The following NUP153 variants were observed in gnomAD, a reference collection of about 807,000 sequenced individuals.
NUP153 encodes nucleoporin 153.
In NUP153, 27 loss-of-function variants were observed where a neutral mutation model predicts 134.6. The observed-to-expected ratio is 0.20, with a 90% CI of 0.15 to 0.28. The LOEUF (loss-of-function observed/expected upper bound fraction) is 0.28. NUP153 is among the 10% of genes least tolerant of loss of function. NUP153 has a pLI of 1.00. For missense variants in NUP153, 1,821 were observed against 1,731.3 expected (o/e 1.05, Z -0.92); for synonymous variants, 640 against 623.5 (o/e 1.03, Z -0.40).
chr6:17,652,199 T>C (rs1007388005), intron 11 of NUP153, among the ~76,000 whole-genome samples: 1 of 152,176 alleles, frequency 6.6e-6, no homozygotes, highest in African/African-American at 2.4e-5. Flanking sequence ...GATCTAATAC[T>C]ATCAGCTTAC....
intron 11 of NUP153, among the ~76,000 whole-genome samples, chr6:17,660,109 G>A (rs1767094426): frequency 6.6e-6 from 1 of 152,156 alleles, no homozygotes; most frequent in Non-Finnish European, 1.5e-5. Context: ...TGCTAGCTAG[G>A]AAAAGCATAG....
At chr6:17,673,890 C>G (rs553166209) in intron 5 of NUP153, among the ~76,000 whole-genome samples, 1 of 152,246 alleles carries the variant, frequency 6.6e-6, no homozygotes, top group East Asian at 1.9e-4. Flanking sequence ...TGAATGCTCA[C>G]AAAAAACATT....
chr6:17,663,824 C>T lies in NUP153; in HGVS notation c.1215+1415G>A, dbSNP rs903303156. Reference sequence around the variant, plus strand: ...TAAATGACACAAAAAACCAGACAAACCCAGATTATGGGACATTTTATAAGA... The same window carrying T: ...TAAATGACACAAAAAACCAGACAAATCCAGATTATGGGACATTTTATAAGA... On this transcript the variant is annotated intron_variant, in intron 9 of 21. Coordinates refer to ENST00000262077, the MANE Select transcript of NUP153 (RefSeq NM_005124.4). Among the ~76,000 whole-genome samples, 3 of 152,008 alleles carry T rather than the reference C, an allele frequency of 2.0e-5. No individual in the cohort carries two copies. The South Asian group carries it at 6.2e-4, about 32-fold the overall frequency.
rs907428478 is a variant in NUP153, at chr6:17,615,955, A to C, written c.*142T>G. 5 of 563,952 alleles carry C rather than the reference A, an allele frequency of 8.9e-6. No individual in the cohort carries two copies. In the African/African-American group the frequency reaches 9.5e-5, roughly 11 times the overall value. 34.9% of individuals were successfully genotyped at this position (563,952 alleles called of 1,614,324 possible). On this transcript the variant is annotated 3_prime_UTR_variant, in exon 22 of 22. Coordinates refer to ENST00000262077, the MANE Select transcript of NUP153 (RefSeq NM_005124.4). This position sits in a 1 kb window ranked among gnomAD's most constrained non-coding sequence, Gnocchi z 5.7. ...GAGGCAGGGTGGGGCTTCTGTAACG[A>C]AAGAGAAAGGAGGAAAATTCCAAAA...
At chr6:17,626,197 T>A (rs757248191) in intron 18 of NUP153, 33 bp from the exon 19 acceptor site, 35 of 1,525,466 alleles carry the variant, frequency 2.3e-5, no homozygotes, top group Non-Finnish European at 3.1e-5. Flanking sequence ...CAAACATAAA[T>A]CCTTAAGAAT....
At position 17,627,547 on chromosome 6, in the gene NUP153, G is replaced by A. The variant is rs556548291; in HGVS notation, c.3544+1108C>T. 4.0e-4 allele frequency among the ~76,000 whole-genome samples: 61 copies of A among 151,700 alleles called. 1 individual carries two copies. Among genetic ancestry groups the A allele is most frequent in the Non-Finnish European group, 7.2e-4 (49 of 68,022 alleles). ...GCCTTGTTCTGTTGCCCAAGCTGGAGTGCACTGGGCCAATCTCTGCTCACT... is the reference window on the plus strand; with the variant it reads ...GCCTTGTTCTGTTGCCCAAGCTGGAATGCACTGGGCCAATCTCTGCTCACT... On this transcript the variant is annotated intron_variant, in intron 18 of 21. Coordinates refer to ENST00000262077, the MANE Select transcript of NUP153 (RefSeq NM_005124.4).
chr6:17,618,617 GTGCAGTGGCACGGTCTCAGCTCAC>G (rs1561848080), intron 20 of NUP153, among the ~76,000 whole-genome samples: 5 of 149,348 alleles, frequency 3.3e-5, no homozygotes, highest in African/African-American at 5.0e-5. Flanking sequence ...CCAGGCTGGA[GTGCAGTGGCACGGTCTCAGCTCAC>G]TGCAAGCTCC....
chr6:17,678,157 A>C (rs1438080520), intron 2 of NUP153, among the ~76,000 whole-genome samples: 1 of 152,130 alleles, frequency 6.6e-6, no homozygotes, highest in Middle Eastern at 3.4e-3. Context: ...GGAGTTCAAG[A>C]CCAGACTGGC....
intron 20 of NUP153, among the ~76,000 whole-genome samples, chr6:17,620,772 C>T (rs1309131875): frequency 6.6e-6 from 1 of 152,124 alleles, no homozygotes; most frequent in East Asian, 1.9e-4. Context: ...AAAGTAGCCC[C>T]TGGAAGCCAA....
chr6:17,682,900 A>C (rs1768679247), intron 2 of NUP153, among the ~76,000 whole-genome samples: 1 of 147,586 alleles, frequency 6.8e-6, no homozygotes, highest in South Asian at 2.2e-4. Flanking sequence ...AGTGGGTGAC[A>C]GAGCAAGACT....
intron 2 of NUP153, 107 bp downstream of exon 2, chr6:17,688,289 A>T (rs1301169784): frequency 2.7e-6 from 2 of 738,146 alleles, no homozygotes; most frequent in Non-Finnish European, 4.5e-6. Context: ...TCCTCTTCCC[A>T]TATGGTTTAT....
In NUP153 at chr6:17,659,212, C is replaced by T. The variant is rs1178447178; in HGVS notation, c.1395+2441G>A. 2.6e-5 allele frequency among the ~76,000 whole-genome samples: 4 copies of T among 152,322 alleles called. No homozygotes were observed. The South Asian group carries it at 6.2e-4, about 24-fold the overall frequency. On this transcript the variant is annotated intron_variant, in intron 11 of 21. Transcript: ENST00000262077. ...AAACTTTTTGCAGGGAAAACACTTC[C>T]GCAACAGCGGGATGCAGAAAATGCT... is the stretch of plus-strand genomic sequence containing the variant.
At chr6:17,637,793 T>C (rs1182953222) in intron 15 of NUP153, 23 bp from the exon 16 acceptor site, 7 of 1,568,246 alleles carry the variant, frequency 4.5e-6, no homozygotes, top group Non-Finnish European at 6.0e-6. Context: ...AAGGAGAGAG[T>C]GCAACGTTAG....
chr6:17,616,239 G>GCTAA (rs1764310270), intron 21 of NUP153, 58 bp from the exon 22 acceptor site: 7 of 827,286 alleles, frequency 8.5e-6, no homozygotes, highest in Non-Finnish European at 1.2e-5. Flanking sequence ...ATTTCCAAAT[G>GCTAA]CTAACATTTA....
At chr6:17,681,980 G>A (rs768222533) in intron 2 of NUP153, among the ~76,000 whole-genome samples, 11 of 152,084 alleles carry the variant, frequency 7.2e-5, no homozygotes, top group Non-Finnish European at 1.5e-4. Flanking sequence ...GGCTGAGGCA[G>A]GAGGATCACT....
At chr6:17,687,457 G>T (rs1769000863) in intron 2 of NUP153, among the ~76,000 whole-genome samples, 1 of 152,128 alleles carries the variant, frequency 6.6e-6, no homozygotes, top group Non-Finnish European at 1.5e-5. Flanking sequence ...GAAAAGTACA[G>T]ACATTAAAAC....
At position 17,638,414 on chromosome 6, in the gene NUP153, C is replaced by T. The variant is rs1765672387; in HGVS notation, c.1847-644G>A. Among the ~76,000 whole-genome samples the T allele has an allele frequency of 6.6e-6, 1 of 152,094 alleles. No individual in the cohort carries two copies. The highest frequency in any genetic ancestry group is 2.4e-5 in the African/African-American group (1 of 41,414). On this transcript the variant is annotated intron_variant, in intron 15 of 21. Transcript: ENST00000262077. This position sits in a 1 kb window ranked among gnomAD's most constrained non-coding sequence, Gnocchi z 4.0. ...TGATCTGTTTCTCCAGCCTTACCCGCCAAAGAAAAAGAAATTAAAAGGAGA... is the reference window on the plus strand; with the variant it reads ...TGATCTGTTTCTCCAGCCTTACCCGTCAAAGAAAAAGAAATTAAAAGGAGA...
intron 1 of NUP153, among the ~76,000 whole-genome samples, chr6:17,691,043 G>A (rs1023169280): frequency 6.6e-6 from 1 of 152,160 alleles, no homozygotes; most frequent in Non-Finnish European, 1.5e-5. Context: ...TCAGGAGGCT[G>A]AGGCAGGAAA....
At chr6:17,647,095 G>A (rs779660720) in intron 13 of NUP153, among the ~76,000 whole-genome samples, 7 of 151,764 alleles carry the variant, frequency 4.6e-5, no homozygotes, top group Non-Finnish European at 1.0e-4. Flanking sequence ...GACACTTCTG[G>A]GGCAACTGAT....
Sources: gnomAD v4.1 joint callset for allele counts (sites outside exome capture counted in the v4.1 genomes callset) on GRCh38, gnomAD v4.1.1 for gene constraint, Gnocchi (gnomAD v3.1) non-coding constraint, MANE v1.5 for transcripts, NCBI Gene and HGNC (gene_info 2026-07-23, HGNC 2026-07-21) for gene names.